The following TTLL5 variants were observed in gnomAD, a reference collection of about 807,000 sequenced individuals.
TTLL5 encodes the protein tubulin tyrosine ligase like 5, also known as tubulin polyglutamylase TTLL5.
A neutral mutation model predicts 168.4 loss-of-function variants in TTLL5; 132 were observed. The ratio of observed to expected loss-of-function variants is 0.78; its 90% CI spans 0.68 to 0.91. The LOEUF (loss-of-function observed/expected upper bound fraction) is 0.91, where lower values mean the gene tolerates loss of function less well. Among genes scored for constraint, TTLL5 ranks in the 40% least tolerant of loss-of-function variants. The probability of loss-of-function intolerance (pLI) is 0.00; values close to 1 mark genes in which losing one functional copy is unlikely to be tolerated. For missense variants in TTLL5, 1,545 were observed against 1,581.5 expected (o/e 0.98, Z 0.39); for synonymous variants, 546 against 558.6 (o/e 0.98, Z 0.32).
intron 12 of TTLL5, among the ~76,000 whole-genome samples, chr14:75,728,017 T>C (rs1888293488): frequency 6.6e-6 from 1 of 152,124 alleles, no homozygotes; most frequent in Non-Finnish European, 1.5e-5. Flanking sequence ...TCATCATATG[T>C]AAATTATACC....
chr14:75,760,519 CAG>C (rs1890565906), intron 18 of TTLL5, among the ~76,000 whole-genome samples: 1 of 151,918 alleles, frequency 6.6e-6, no homozygotes, highest in African/African-American at 2.4e-5. Context: ...ACAAAGGACT[CAG>C]AATATCCAAA....
chr14:75,840,527 A>G (rs1214965620), intron 28 of TTLL5, among the ~76,000 whole-genome samples: 2 of 151,822 alleles, frequency 1.3e-5, no homozygotes, highest in African/African-American at 4.8e-5. Context: ...TTTTTTCAGC[A>G]TTCTGTTGGT....
intron 18 of TTLL5, among the ~76,000 whole-genome samples, chr14:75,753,778 TCTTTATATGTATAAAAC>T (rs977312794): frequency 1.8e-4 from 27 of 152,210 alleles, no homozygotes; most frequent in African/African-American, 6.5e-4. Context: ...GAATCTCATT[TCTTTATATGTATAAAAC>T]CTGTGGGTTT....
intron 28 of TTLL5, chr14:75,837,375 GC>G (rs1895927580): frequency 6.6e-6 from 1 of 152,084 alleles, no homozygotes; most frequent in Non-Finnish European, 1.5e-5. Context: ...TTATGACCTA[GC>G]CTTGGAAATC....
chr14:75,829,961 G>C (rs368371218), intron 28 of TTLL5, among the ~76,000 whole-genome samples: 1 of 152,164 alleles, frequency 6.6e-6, no homozygotes, highest in African/African-American at 2.4e-5. Context: ...GAATTAGGAA[G>C]TATCATTAAT....
At chr14:75,807,998 T>C (rs1893755666) in intron 27 of TTLL5, among the ~76,000 whole-genome samples, 2 of 152,234 alleles carry the variant, frequency 1.3e-5, no homozygotes, top group African/African-American at 4.8e-5. Flanking sequence ...TATAGTCAAC[T>C]GATTCTTCGA....
intron 27 of TTLL5, among the ~76,000 whole-genome samples, chr14:75,812,596 A>G (rs1214613408): frequency 6.6e-6 from 1 of 152,188 alleles, no homozygotes; most frequent in Non-Finnish European, 1.5e-5. Flanking sequence ...GTAAAACCTT[A>G]AAGTTGCTAA....
At chr14:75,756,642 G>C (rs1238208931) in intron 18 of TTLL5, among the ~76,000 whole-genome samples, 1 of 151,798 alleles carries the variant, frequency 6.6e-6, no homozygotes, top group Non-Finnish European at 1.5e-5. Context: ...CGAGCAGCTG[G>C]GATTATGGGC....
In TTLL5 at chr14:75,766,254, C is replaced by A; in HGVS notation, c.1901C>A (p.Ser634Tyr). ...ALVENTPKENSMKVREWNNKG... is the reference protein window; with the variant it reads ...ALVENTPKENYMKVREWNNKG... ...GTAGAAAATACACCCAAAGAAAATT[C>A]CATGAAAGTTCGTGAATGGAATAAT... The change falls in exon 20 of 32, where the codon TCC becomes TAC. Residue 634 changes from serine to tyrosine, a missense_variant. Ser to Tyr is a moderately radical substitution (Grantham distance 144). Transcript: ENST00000298832. 6.2e-7 allele frequency: 1 copy of A among 1,613,966 alleles called. No individual in the cohort carries two copies. Among genetic ancestry groups the A allele is most frequent in the African/African-American group, 1.3e-5 (1 of 74,998 alleles).
intron 3 of TTLL5, among the ~76,000 whole-genome samples, chr14:75,677,741 C>T (rs907308945): frequency 6.6e-6 from 1 of 151,630 alleles, no homozygotes; most frequent in African/African-American, 2.4e-5. Flanking sequence ...CCTCAGCCTC[C>T]TGAGTAGCTA....
intron 31 of TTLL5, among the ~76,000 whole-genome samples, chr14:75,906,272 T>C (rs1053899313): frequency 1.2e-4 from 19 of 152,176 alleles, no homozygotes; most frequent in African/African-American, 4.6e-4. Flanking sequence ...TGTTGTATAG[T>C]TTTTGGAGCT....
At chr14:75,789,128 G>GAGCT (rs1299960845) in intron 26 of TTLL5, among the ~76,000 whole-genome samples, 1 of 152,150 alleles carries the variant, frequency 6.6e-6, no homozygotes, top group Non-Finnish European at 1.5e-5. Context: ...AAACCTGCAA[G>GAGCT]AGCTATCAGC....
chr14:75,716,088 C>T (rs1002748513), intron 9 of TTLL5, among the ~76,000 whole-genome samples: 1 of 152,082 alleles, frequency 6.6e-6, no homozygotes. Context: ...GCACGGGGCC[C>T]CTTTGCATCT....
chr14:75,907,782 C>G (rs530216980), intron 31 of TTLL5, among the ~76,000 whole-genome samples: 2 of 152,310 alleles, frequency 1.3e-5, no homozygotes, highest in South Asian at 4.1e-4. Flanking sequence ...TACTAAGCAG[C>G]CTGTCCAATG....
At chr14:75,671,443 G>A (rs1883743746) in intron 3 of TTLL5, among the ~76,000 whole-genome samples, 1 of 152,116 alleles carries the variant, frequency 6.6e-6, no homozygotes, top group Non-Finnish European at 1.5e-5. Context: ...ATGGCTGTTG[G>A]GATGTTGATA....
intron 12 of TTLL5, chr14:75,727,900 C>T (rs751107096): frequency 4.7e-5 from 22 of 470,694 alleles, no homozygotes; most frequent in Non-Finnish European, 7.2e-5. Flanking sequence ...CACAAGGAGT[C>T]CTTTTGGGGT....
chr14:75,737,607 G>A, intron 15 of TTLL5: 1 of 1,535,568 alleles, frequency 6.5e-7, no homozygotes, highest in Admixed American at 2.0e-5. Flanking sequence ...AGGCCAAGCA[G>A]GTAAGTTCTA....
intron 27 of TTLL5, among the ~76,000 whole-genome samples, chr14:75,805,306 C>T (rs1005324618): frequency 2.0e-5 from 3 of 152,184 alleles, no homozygotes; most frequent in South Asian, 2.1e-4. Flanking sequence ...AAACTAGATT[C>T]CATTTTCAAC....
intron 31 of TTLL5, among the ~76,000 whole-genome samples, chr14:75,925,956 A>G (rs2034041841): frequency 6.6e-6 from 1 of 151,706 alleles, no homozygotes; most frequent in Admixed American, 6.6e-5. Context: ...AGGCTGAGGC[A>G]GGAGAATCAG....
Sources: gnomAD v4.1 joint callset for allele counts (sites outside exome capture counted in the v4.1 genomes callset) on GRCh38, gnomAD v4.1.1 for gene constraint, MANE v1.5 for transcripts, NCBI Gene and HGNC (gene_info 2026-07-23, HGNC 2026-07-21) for gene names.